The following KIAA1328 variants were observed in gnomAD, a reference collection of about 807,000 sequenced individuals.
The protein encoded by KIAA1328 is KIAA1328, also known as protein hinderin.
In KIAA1328, 52 loss-of-function variants were observed where a neutral mutation model predicts 68.1. That is an observed-to-expected ratio of 0.76 (90% CI 0.61 to 0.96). The LOEUF is 0.96. Ranked by LOEUF, KIAA1328 falls within the 40% of genes least tolerant of loss-of-function variation. The probability of loss-of-function intolerance (pLI) is 0.00; values close to 1 mark genes in which losing one functional copy is unlikely to be tolerated. For missense variants in KIAA1328, 641 were observed against 677.6 expected (o/e 0.95, Z 0.60); for synonymous variants, 232 against 239.4 (o/e 0.97, Z 0.28).
At chr18:37,200,920 ATCTT>A (rs1247221526) in intron 9 of KIAA1328, among the ~76,000 whole-genome samples, 3 of 152,226 alleles carry the variant, frequency 2.0e-5, no homozygotes, top group Admixed American at 2.0e-4. Context: ...TTGATCAAAA[ATCTT>A]TCTTCTTGAA....
chr18:36,910,426 A>G (rs2049394788), intron 5 of KIAA1328, among the ~76,000 whole-genome samples: 1 of 151,962 alleles, frequency 6.6e-6, no homozygotes, highest in African/African-American at 2.4e-5. Context: ...AAGATCAGAT[A>G]GTTGTAGATG....
chr18:37,084,414 A>G (rs1394483463), intron 7 of KIAA1328: 1 of 360,222 alleles, frequency 2.8e-6, no homozygotes, highest in Non-Finnish European at 4.9e-6. Context: ...AAAATCATTC[A>G]TAATCCTACA....
chr18:37,105,916 C>CAAAAAAAAAAAA lies in KIAA1328; in HGVS notation c.1232+38389_1232+38400dup, dbSNP rs58940699. ...TGGTTGACAGAGCAAGACTCTGTGTCAAAAAAAAAAAAAAAAAAAAAAAAA... is the reference window on the plus strand; with the variant it reads ...TGGTTGACAGAGCAAGACTCTGTGTCAAAAAAAAAAAAAAAAAAAAAAAAAAAAAAAAAAAAA... On this transcript the variant is annotated intron_variant, in intron 7 of 9. Coordinates refer to ENST00000280020, the MANE Select transcript of KIAA1328 (RefSeq NM_020776.3). Among the ~76,000 whole-genome samples, 62 of 19,494 alleles carry CAAAAAAAAAAAA rather than the reference C, an allele frequency of 3.2e-3. 9 individuals are homozygous for CAAAAAAAAAAAA. The highest frequency in any genetic ancestry group is 4.3e-3 in the African/African-American group (37 of 8,542). The allele number at this position is 19,494 out of a possible 152,430, so 12.8% of individuals were successfully genotyped here.
chr18:37,152,427 C>A (rs1324486860), intron 7 of KIAA1328, among the ~76,000 whole-genome samples: 2 of 152,158 alleles, frequency 1.3e-5, no homozygotes, highest in Non-Finnish European at 2.9e-5. Context: ...CAGTGTTTAA[C>A]CTTTGTTCTC....
At chr18:37,140,887 C>A (rs2058751101) in intron 7 of KIAA1328, among the ~76,000 whole-genome samples, 1 of 152,164 alleles carries the variant, frequency 6.6e-6, no homozygotes, top group South Asian at 2.1e-4. Context: ...CACTGATCAT[C>A]TGACAATTAG....
chr18:37,034,030 G>C (rs551979297), intron 6 of KIAA1328, among the ~76,000 whole-genome samples: 1 of 152,278 alleles, frequency 6.6e-6, no homozygotes, highest in South Asian at 2.1e-4. Context: ...GGGTAGATAA[G>C]TGTGTTCCTT....
chr18:37,150,574 G>GAA (rs528123508), intron 7 of KIAA1328, among the ~76,000 whole-genome samples: 1 of 135,400 alleles, frequency 7.4e-6, no homozygotes. Flanking sequence ...CACAAATGCA[G>GAA]AAAAAAAAAA....
At chr18:36,975,273 C>T (rs1218576776) in intron 6 of KIAA1328, among the ~76,000 whole-genome samples, 3 of 150,668 alleles carry the variant, frequency 2.0e-5, no homozygotes, top group African/African-American at 7.3e-5. Context: ...AGCTCTGCCT[C>T]CCGGGTTCAC....
chr18:36,994,434 A>G (rs1172345861), intron 6 of KIAA1328, among the ~76,000 whole-genome samples: 1 of 152,200 alleles, frequency 6.6e-6, no homozygotes, highest in Admixed American at 6.5e-5. Flanking sequence ...ATCTCAGTGG[A>G]CGGGACTCCA....
Position 36,954,263 on chromosome 18 carries a change from A to G in KIAA1328, c.449-5045A>G, listed in dbSNP as rs2051307760. Among the ~76,000 whole-genome samples the G allele has an allele frequency of 7.2e-5, 11 of 152,110 alleles. No homozygotes were observed. In the South Asian group the frequency reaches 2.3e-3, roughly 32 times the overall value. On this transcript the variant is annotated intron_variant, in intron 5 of 9. Coordinates refer to ENST00000280020, the MANE Select transcript of KIAA1328 (RefSeq NM_020776.3). ...GTGATCCACCCGCCTCGGCCTCCCA[A>G]GTCTGATTGTTTCTTACAGCATCAT...
intron 6 of KIAA1328, among the ~76,000 whole-genome samples, chr18:36,997,779 G>C: frequency 6.6e-6 from 1 of 152,214 alleles, no homozygotes; most frequent in Non-Finnish European, 1.5e-5. Flanking sequence ...ACAGCAGCCA[G>C]TGCTGGTAAG....
intron 7 of KIAA1328, among the ~76,000 whole-genome samples, chr18:37,131,930 C>T (rs2058532276): frequency 6.6e-6 from 1 of 152,112 alleles, no homozygotes; most frequent in African/African-American, 2.4e-5. Flanking sequence ...ACAAGAAATC[C>T]AGGATTTTAC....
intron 9 of KIAA1328, among the ~76,000 whole-genome samples, chr18:37,189,235 C>T (rs2059859700): frequency 1.3e-5 from 2 of 152,144 alleles, no homozygotes; most frequent in Admixed American, 1.3e-4. Flanking sequence ...GTATAAAAAG[C>T]AATCTCTCCT....
chr18:37,031,341 T>G (rs1005458046), intron 6 of KIAA1328, among the ~76,000 whole-genome samples: 1 of 152,228 alleles, frequency 6.6e-6, no homozygotes. Flanking sequence ...ATCTTGAATT[T>G]AGCTATTAGA....
At chr18:36,854,692 C>G (rs1412059117) in intron 4 of KIAA1328, among the ~76,000 whole-genome samples, 6 of 152,068 alleles carry the variant, frequency 3.9e-5, no homozygotes, top group Admixed American at 3.9e-4. Context: ...GTTAAATCAT[C>G]CATTTTAAGT....
At chr18:37,066,052 ACT>A (rs2056326499) in intron 6 of KIAA1328, among the ~76,000 whole-genome samples, 1 of 152,134 alleles carries the variant, frequency 6.6e-6, no homozygotes, top group South Asian at 2.1e-4. Flanking sequence ...AGATTTGGAA[ACT>A]CTGGGGATGA....
chr18:37,041,529 T>A (rs1225624892), intron 6 of KIAA1328, among the ~76,000 whole-genome samples: 1 of 152,074 alleles, frequency 6.6e-6, no homozygotes, highest in Admixed American at 6.6e-5. Flanking sequence ...TTATTTGCAT[T>A]TAATGTAATT....
chr18:37,027,425 A>G (rs939381709), intron 6 of KIAA1328, among the ~76,000 whole-genome samples: 1 of 152,230 alleles, frequency 6.6e-6, no homozygotes, highest in African/African-American at 2.4e-5. Context: ...TCCTAAAACA[A>G]AAGAACAAAG....
intron 9 of KIAA1328, among the ~76,000 whole-genome samples, chr18:37,200,536 G>A (rs559837120): frequency 1.3e-5 from 2 of 152,240 alleles, no homozygotes; most frequent in East Asian, 1.9e-4. Flanking sequence ...TGTCGGCCGG[G>A]CGCGGTGGCT....
Sources: allele counts gnomAD v4.1 joint callset (sites outside exome capture counted in the v4.1 genomes callset), GRCh38; gene constraint gnomAD v4.1.1; transcripts MANE v1.5; gene names NCBI Gene and HGNC (gene_info 2026-07-23, HGNC 2026-07-21).